Variants in LRBA observed in about 807,000 individuals in gnomAD.
LRBA encodes the protein LPS responsive beige-like anchor protein, also known as lipopolysaccharide-responsive and beige-like anchor protein.
In LRBA, 176 loss-of-function variants were observed where a neutral mutation model predicts 330.0. The ratio of observed to expected loss-of-function variants is 0.53; its 90% confidence interval spans 0.47 to 0.60. The LOEUF (loss-of-function observed/expected upper bound fraction) is 0.60, where lower values mean the gene tolerates loss of function less well. LRBA is among the 20% of genes least tolerant of loss of function. The pLI is 0.00. For missense variants in LRBA, 3,259 were observed against 3,444.8 expected (o/e 0.95, Z 1.35); for synonymous variants, 1,230 against 1,193.0 (o/e 1.03, Z -0.64).
intron 47 of LRBA, among the ~76,000 whole-genome samples, chr4:150,387,747 A>T (rs1743302255): frequency 6.6e-6 from 1 of 152,176 alleles, no homozygotes; most frequent in Admixed American, 6.6e-5. Context: ...CTCCTAAACC[A>T]TGCATAACAT....
At chr4:150,577,799 A>T (rs1770735337) in intron 40 of LRBA, among the ~76,000 whole-genome samples, 1 of 152,212 alleles carries the variant, frequency 6.6e-6, no homozygotes, top group South Asian at 2.1e-4. Context: ...CTCAGTAAAT[A>T]CATTTTTAAG....
chr4:150,470,865 ACACACACACAC>A (rs1468220526), intron 43 of LRBA, among the ~76,000 whole-genome samples: 2 of 127,564 alleles, frequency 1.6e-5, no homozygotes, highest in Admixed American at 8.3e-5. Flanking sequence ...ACACACACAC[ACACACACACAC>A]CACACACTAA....
At chr4:150,719,951 GA>G (rs1238538813) in intron 36 of LRBA, among the ~76,000 whole-genome samples, 1 of 152,080 alleles carries the variant, frequency 6.6e-6, no homozygotes, top group Non-Finnish European at 1.5e-5. Flanking sequence ...GAACTTGGTA[GA>G]AAATATTTAA....
At chr4:150,339,350 G>T (rs1382293293) in intron 48 of LRBA, among the ~76,000 whole-genome samples, 1 of 152,110 alleles carries the variant, frequency 6.6e-6, no homozygotes, top group Non-Finnish European at 1.5e-5. Flanking sequence ...TAACAACATT[G>T]AATGTTGAGA....
chr4:150,368,746 A>G (rs1156966133), intron 47 of LRBA, among the ~76,000 whole-genome samples: 7 of 152,196 alleles, frequency 4.6e-5, no homozygotes, highest in Non-Finnish European at 7.4e-5. Context: ...TTTAACTTAC[A>G]CAAGGTGATG....
chr4:150,932,700 G>C (rs1468542516), intron 2 of LRBA, among the ~76,000 whole-genome samples: 1 of 152,032 alleles, frequency 6.6e-6, no homozygotes, highest in African/African-American at 2.4e-5. Context: ...TGGATCCCTT[G>C]AGCGCAGGAG....
Position 150,999,829 on chromosome 4 carries a change from G to T in LRBA, c.216+14598C>A, listed in dbSNP as rs76570012. 5.1e-3 allele frequency among the ~76,000 whole-genome samples: 771 copies of T among 152,200 alleles called. 4 individuals carry two copies. Among genetic ancestry groups the T allele is most frequent in the African/African-American group, 0.018 (737 of 41,528 alleles). ...ATACTATGTGTCAAGTACTCTTCTA[G>T]GGGCTAGGGATGCAATAAGCAAAAC... On this transcript the variant is annotated intron_variant, in intron 2 of 56. Coordinates refer to ENST00000651943, the MANE Select transcript of LRBA (RefSeq NM_001364905.1).
At chr4:150,654,829 T>A (rs1441795981) in intron 37 of LRBA, among the ~76,000 whole-genome samples, 1 of 152,100 alleles carries the variant, frequency 6.6e-6, no homozygotes, top group South Asian at 2.1e-4. Context: ...TTGCTGAGAA[T>A]GATGGTTTCC....
At chr4:150,486,300 T>A (rs916930728) in intron 42 of LRBA, among the ~76,000 whole-genome samples, 20 of 151,908 alleles carry the variant, frequency 1.3e-4, no homozygotes, top group Admixed American at 2.0e-4. Flanking sequence ...AGGTAGCACA[T>A]AAATGAGTAT....
At chr4:150,576,343 G>A (rs996356693) in intron 40 of LRBA, among the ~76,000 whole-genome samples, 1 of 151,804 alleles carries the variant, frequency 6.6e-6, no homozygotes, top group African/African-American at 2.4e-5. Flanking sequence ...AAAGATACAC[G>A]ATTTCTTGGT....
chr4:150,898,652 A>AAT (rs1172117457), intron 14 of LRBA, among the ~76,000 whole-genome samples: 2 of 9,110 alleles, frequency 2.2e-4, no homozygotes, highest in Non-Finnish European at 1.2e-3. Context: ...AGACAAAAAA[A>AAT]AATAATAAGA....
At chr4:150,839,947 CAATTTCT>C (rs1329101748) in intron 28 of LRBA, among the ~76,000 whole-genome samples, 4 of 151,698 alleles carry the variant, frequency 2.6e-5, no homozygotes, top group Non-Finnish European at 4.4e-5. Flanking sequence ...ACACCTTCAT[CAATTTCT>C]TAGCTAGCTC....
chr4:150,860,373 C>CT (rs1353277802), intron 22 of LRBA, among the ~76,000 whole-genome samples: 1 of 152,136 alleles, frequency 6.6e-6, no homozygotes. Flanking sequence ...GATAAAAAGA[C>CT]TCCATGATTA....
At chr4:150,714,544 C>T (rs1439854207) in intron 36 of LRBA, among the ~76,000 whole-genome samples, 2 of 151,942 alleles carry the variant, frequency 1.3e-5, no homozygotes, top group African/African-American at 2.4e-5. Flanking sequence ...TAAATTTCAA[C>T]TAATAGGAGG....
Position 150,832,263 on chromosome 4 carries a change from T to C in LRBA, c.4570-287A>G, listed in dbSNP as rs79108467. On this transcript the variant is annotated intron_variant, in intron 28 of 56. Coordinates refer to ENST00000651943, the MANE Select transcript of LRBA (RefSeq NM_001364905.1). ...TTCAATCTAAAGACGTATGTCCTAA[T>C]ATACATTATAATGTTAATCAAACAA... is the stretch of plus-strand genomic sequence containing the variant. 5.6e-3 allele frequency among the ~76,000 whole-genome samples: 850 copies of C among 152,302 alleles called. 7 individuals carry two copies. The highest frequency in any genetic ancestry group is 0.02 in the African/African-American group (828 of 41,566).
intron 37 of LRBA, among the ~76,000 whole-genome samples, chr4:150,635,447 A>G (rs1581875261): frequency 6.6e-6 from 1 of 152,128 alleles, no homozygotes; most frequent in East Asian, 1.9e-4. Context: ...CACTATCATT[A>G]TTCTCTCCAC....
At chr4:150,876,719 A>C (rs1039222948) in intron 17 of LRBA, among the ~76,000 whole-genome samples, 16 of 152,218 alleles carry the variant, frequency 1.1e-4, no homozygotes, top group Non-Finnish European at 2.1e-4. Flanking sequence ...GGGAGTTCTA[A>C]ACACGGAAAT....
chr4:150,726,975 C>T (rs199763862), intron 36 of LRBA, among the ~76,000 whole-genome samples: 2 of 118,584 alleles, frequency 1.7e-5, no homozygotes, highest in Admixed American at 9.3e-5. Flanking sequence ...GCAGATCTCA[C>T]GGACAAAAAA....
chr4:150,864,265 G>T (rs1487234037), intron 22 of LRBA, among the ~76,000 whole-genome samples: 2 of 152,028 alleles, frequency 1.3e-5, no homozygotes, highest in Non-Finnish European at 2.9e-5. Flanking sequence ...AAGTATTAAG[G>T]TCCCCAAAGA....
Sources: gnomAD v4.1 joint callset for allele counts (sites outside exome capture counted in the v4.1 genomes callset) on GRCh38, gnomAD v4.1.1 for gene constraint, MANE v1.5 for transcripts, NCBI Gene and HGNC (gene_info 2026-07-23, HGNC 2026-07-21) for gene names.